The following FXN variants were observed in gnomAD, a reference collection of about 807,000 sequenced individuals.
FXN encodes frataxin, mitochondrial.
A neutral mutation model predicts 22.4 loss-of-function variants in FXN; 14 were observed. The ratio of observed to expected loss-of-function variants is 0.62; its 90% confidence interval spans 0.41 to 0.98. The LOEUF is 0.98. Among genes scored for constraint, FXN ranks in the 50% least tolerant of loss-of-function variants. The probability of loss-of-function intolerance (pLI) is 0.00; values close to 1 mark genes in which losing one functional copy is unlikely to be tolerated. For missense variants in FXN, 267 were observed against 268.4 expected, an observed-to-expected ratio of 0.99 and a Z score of 0.04; for synonymous variants, 120 against 114.1, an observed-to-expected ratio of 1.05 and a Z score of -0.33.
intron 1 of FXN, among the ~76,000 whole-genome samples, chr9:69,045,622 A>C (rs2498427): frequency 0.49 from 73,908 of 151,892 alleles, 18,289 homozygotes; most frequent in Middle Eastern, 0.61. Flanking sequence ...CAAAAAAAAA[A>C]ACTTCAGCAT....
At chr9:69,068,665 T>A (rs958743946) in intron 4 of FXN, among the ~76,000 whole-genome samples, 1 of 152,214 alleles carries the variant, frequency 6.6e-6, no homozygotes, top group African/African-American at 2.4e-5. Context: ...TGTGGTGGCC[T>A]TCACAGTCAG....
chr9:69,075,412 A>G lies in FXN; in HGVS notation c.*2650A>G. Reference sequence around the variant, plus strand: ...GGGGTGGAGGTTGCAGTGAGACGAGATCATGCCACTTCACTCCAGCCTGGC... The same window carrying G: ...GGGGTGGAGGTTGCAGTGAGACGAGGTCATGCCACTTCACTCCAGCCTGGC... On this transcript the variant is annotated 3_prime_UTR_variant, in exon 5 of 5. Transcript: ENST00000484259. The G allele has an allele frequency of 1.2e-6, 1 of 856,812 alleles. No individual in the cohort carries two copies. The highest frequency in any genetic ancestry group is 1.4e-6 in the Non-Finnish European group (1 of 713,438). The allele number at this position is 856,812 out of a possible 1,614,324, so 53.1% of individuals were successfully genotyped here. A position where few individuals can be genotyped will look rare whatever the true frequency, so the allele number is the denominator to read the frequency against.
rs990375399 is a variant in FXN, at chr9:69,076,905, A to G, written c.*4143A>G. ...AAACGACGAGTTCATGACTTTGTGT[A>G]TAGAGTAAGAAATGCCTTTTCTTTT... is the stretch of plus-strand genomic sequence containing the variant. On this transcript the variant is annotated 3_prime_UTR_variant, in exon 5 of 5. Transcript: ENST00000484259. 7 of 985,400 alleles carry G rather than the reference A, an allele frequency of 7.1e-6. No homozygotes were observed. The African/African-American group carries it at 1.2e-4, about 17-fold the overall frequency. 61.0% of individuals were successfully genotyped at this position (985,400 alleles called of 1,614,324 possible).
At chr9:69,047,373 A>G (rs928077064) in intron 2 of FXN, among the ~76,000 whole-genome samples, 2 of 152,054 alleles carry the variant, frequency 1.3e-5, no homozygotes, top group Admixed American at 6.6e-5. Context: ...ACACACACAC[A>G]CACACACGAT....
chr9:69,046,806 GTCC>G (rs1416644870), intron 2 of FXN, among the ~76,000 whole-genome samples: 2 of 152,272 alleles, frequency 1.3e-5, no homozygotes, highest in East Asian at 3.9e-4. Context: ...TAACGTTTGT[GTCC>G]TCCTCTCTGG....
At chr9:69,045,680 C>A (rs1215338814) in intron 1 of FXN, among the ~76,000 whole-genome samples, 1 of 152,078 alleles carries the variant, frequency 6.6e-6, no homozygotes, top group East Asian at 1.9e-4. Flanking sequence ...ATGCAGAGTC[C>A]AATTAACAAG....
chr9:69,075,700 A>G lies in FXN; in HGVS notation c.*2938A>G, dbSNP rs1230880670. 1.0e-6 allele frequency: 1 copy of G among 985,192 alleles called. No individual in the cohort carries two copies. Among genetic ancestry groups the G allele is most frequent in the Non-Finnish European group, 1.2e-6 (1 of 829,852 alleles). 61.0% of individuals were successfully genotyped at this position (985,192 alleles called of 1,614,324 possible). A position where few individuals can be genotyped will look rare whatever the true frequency, so the allele number is the denominator to read the frequency against. On this transcript the variant is annotated 3_prime_UTR_variant, in exon 5 of 5. Coordinates refer to ENST00000484259, the MANE Select transcript of FXN (RefSeq NM_000144.5). ...TGTAACATACTGGAGGAGGTGAGGA[A>G]TTGCATAATACAATCTTAGAAAACT...
intron 3 of FXN, among the ~76,000 whole-genome samples, chr9:69,055,677 A>G (rs1831946541): frequency 6.6e-6 from 1 of 151,674 alleles, no homozygotes; most frequent in African/African-American, 2.4e-5. Context: ...TATTTTTAGT[A>G]GAAATGGGGT....
chr9:69,053,471 A>ATGGATG lies in FXN; in HGVS notation c.384+211_384+212insTGGATG, dbSNP rs1587822034. 1.0e-3 allele frequency among the ~76,000 whole-genome samples: 145 copies of ATGGATG among 140,360 alleles called. 3 individuals carry two copies. The highest frequency in any genetic ancestry group is 3.6e-3 in the African/African-American group (127 of 35,580). The allele number at this position is 140,360 out of a possible 152,430, so 92.1% of individuals were successfully genotyped here. Reference sequence around the variant, plus strand: ...GGGTGACAGAGCGAGACTCTGTCATAGATGGATGGATGGATGGATGGATGG... The same window carrying ATGGATG: ...GGGTGACAGAGCGAGACTCTGTCATATGGATGGATGGATGGATGGATGGATGGATGG... On this transcript the variant is annotated intron_variant, in intron 3 of 4. Transcript: ENST00000484259.
chr9:69,062,510 T>C (rs1268181953), intron 3 of FXN, among the ~76,000 whole-genome samples: 3 of 152,186 alleles, frequency 2.0e-5, no homozygotes, highest in Non-Finnish European at 4.4e-5. Context: ...ACTTACGTAT[T>C]GTATAATCCC....
intron 1 of FXN, among the ~76,000 whole-genome samples, chr9:69,037,284 A>AAGAAG (rs71353102): frequency 0.028 from 2,169 of 78,102 alleles, 50 homozygotes; most frequent in Admixed American, 0.047. Context: ...AAAAAAAAAA[A>AAGAAG]AAGAAGAAGA....
Position 69,074,749 on chromosome 9 carries a change from A to AG in FXN, c.*1987_*1988insG. On this transcript the variant is annotated 3_prime_UTR_variant, in exon 5 of 5. Coordinates refer to ENST00000484259, the MANE Select transcript of FXN (RefSeq NM_000144.5). ...ATCCTATCTCTTAAAAAAAGAAAAA[A>AG]AAACCTATTAATAATAAAACAGTAT... The AG allele has an allele frequency of 1.1e-6, 1 of 896,456 alleles. No individual in the cohort carries two copies. Among genetic ancestry groups the AG allele is most frequent in the Non-Finnish European group, 1.3e-6 (1 of 749,012 alleles). The allele number at this position is 896,456 out of a possible 1,614,324, so 55.5% of individuals were successfully genotyped here.
At chr9:69,066,869 A>AAATAT (rs57287223) in intron 4 of FXN, among the ~76,000 whole-genome samples, 36 of 144,878 alleles carry the variant, frequency 2.5e-4, no homozygotes, top group Admixed American at 4.8e-4. Flanking sequence ...AAAAAAAAAA[A>AAATAT]ATATATATAT....
At position 69,077,981 on chromosome 9, in the gene FXN, A is replaced by G. The variant is rs114535854; in HGVS notation, c.*5219A>G. The G allele has an allele frequency of 2.6e-4, 256 of 985,100 alleles. 1 individual carries two copies. In the African/African-American group the frequency reaches 4.2e-3, roughly 16 times the overall value. The allele number at this position is 985,100 out of a possible 1,614,324, so 61.0% of individuals were successfully genotyped here. A position where few individuals can be genotyped will look rare whatever the true frequency, so the allele number is the denominator to read the frequency against. On this transcript the variant is annotated 3_prime_UTR_variant, in exon 5 of 5. Coordinates refer to ENST00000484259, the MANE Select transcript of FXN (RefSeq NM_000144.5). ...TCTTAAGTGTAAAGGTGGCTAAATT[A>G]TATAGAAAAATAAGACAATATCATT...
chr9:69,046,552 G>A, intron 2 of FXN, 70 bp downstream of exon 2: 1 of 1,087,188 alleles, frequency 9.2e-7, no homozygotes, highest in Non-Finnish European at 1.4e-6. Flanking sequence ...ATTAGAACCT[G>A]GTTTTCTTCC....
Position 69,073,313 on chromosome 9 carries a change from T to A in FXN, c.*551T>A. ...CTCACACGGGAAGATCATTTCTTAT[T>A]TGTGCTCTGTGACTGCCAAGGTGTG... On this transcript the variant is annotated 3_prime_UTR_variant, in exon 5 of 5. Coordinates refer to ENST00000484259, the MANE Select transcript of FXN (RefSeq NM_000144.5). 1 of 998,050 alleles carries A rather than the reference T, an allele frequency of 1.0e-6. No individual in the cohort carries two copies. Among genetic ancestry groups the A allele is most frequent in the Non-Finnish European group, 1.2e-6 (1 of 837,076 alleles). The allele number at this position is 998,050 out of a possible 1,614,324, so 61.8% of individuals were successfully genotyped here.
At chr9:69,064,413 A>G (rs768007005) in intron 3 of FXN, among the ~76,000 whole-genome samples, 9 of 152,206 alleles carry the variant, frequency 5.9e-5, no homozygotes, top group Non-Finnish European at 1.3e-4. Flanking sequence ...GCCTTCTACC[A>G]ACAGAGCTGA....
rs1831601716 is a variant in FXN, at chr9:69,038,504, C to T, written c.165+2557C>T. Among the ~76,000 whole-genome samples, 4 of 152,288 alleles carry T rather than the reference C, an allele frequency of 2.6e-5. No individual in the cohort carries two copies. The South Asian group carries it at 8.3e-4, about 32-fold the overall frequency. On this transcript the variant is annotated intron_variant, in intron 1 of 4. Transcript: ENST00000484259. ...CAACCTAGTACATACAAAATATTAT[C>T]ATTCCAACATGTAATCAGTATTTTA...
chr9:69,046,445 A>C lies in FXN; in HGVS notation c.226A>C (p.Met76Leu). Residue 76 changes from methionine (M) to leucine (L), a missense_variant, in exon 2 of 5, where the codon ATG (methionine) becomes CTG (leucine). Physicochemically the swap from Met to Leu is conservative, Grantham distance 15. Coordinates refer to ENST00000484259, the MANE Select transcript of FXN (RefSeq NM_000144.5). ...TGTCAAAAAGCAGAGTGTCTATTTG[A>C]TGAATTTGAGGAAATCTGGAACTTT... Reference protein sequence around the residue: ...WNVKKQSVYLMNLRKSGTLGH... With the variant: ...WNVKKQSVYLLNLRKSGTLGH... 2 of 1,614,094 alleles carry C rather than the reference A, an allele frequency of 1.2e-6. No individual in the cohort carries two copies. Among genetic ancestry groups the C allele is most frequent in the Non-Finnish European group, 1.7e-6 (2 of 1,179,994 alleles).
Sources: allele counts gnomAD v4.1 joint callset (sites outside exome capture counted in the v4.1 genomes callset), GRCh38; gene constraint gnomAD v4.1.1; transcripts MANE v1.5; gene names NCBI Gene and HGNC (gene_info 2026-07-23, HGNC 2026-07-21).